The following ATRNL1 variants were observed in gnomAD, a reference collection of about 807,000 sequenced individuals.
ATRNL1 encodes the protein attractin like 1, also known as attractin-like protein 1.
A neutral mutation model predicts 182.7 loss-of-function variants in ATRNL1; 95 were observed. The observed-to-expected ratio is 0.52, with a 90% CI of 0.44 to 0.62. The LOEUF (loss-of-function observed/expected upper bound fraction) is 0.62, where lower values mean the gene tolerates loss of function less well. ATRNL1 is among the 20% of genes least tolerant of loss of function. The pLI is 0.00. For synonymous variants in ATRNL1, 576 were observed against 568.3 expected (o/e 1.01, Z -0.19); for missense variants, 1,471 against 1,679.5 (o/e 0.88, Z 2.17).
Position 115,100,448 on chromosome 10 carries a change from G to A in ATRNL1, c.293+6405G>A, listed in dbSNP as rs554775370. 2.0e-5 allele frequency among the ~76,000 whole-genome samples: 3 copies of A among 152,044 alleles called. No homozygotes were observed. In the East Asian group the frequency reaches 5.8e-4, roughly 29 times the overall value. On this transcript the variant is annotated intron_variant, in intron 1 of 28. Coordinates refer to ENST00000355044, the MANE Select transcript of ATRNL1 (RefSeq NM_207303.4). ...AGTTAATTTCTATATATGGGGAGAG[G>A]TATGGATCTAAATTCAGTTTTTTGG...
chr10:115,880,696 G>A (rs1951807222), intron 28 of ATRNL1, among the ~76,000 whole-genome samples: 1 of 152,196 alleles, frequency 6.6e-6, no homozygotes, highest in South Asian at 2.1e-4. Flanking sequence ...GATGGATGTT[G>A]TAGAACATCT....
intron 25 of ATRNL1, among the ~76,000 whole-genome samples, chr10:115,522,655 A>G (rs1454347552): frequency 6.6e-6 from 1 of 152,172 alleles, no homozygotes; most frequent in Non-Finnish European, 1.5e-5. Flanking sequence ...AGAAGTCTTA[A>G]CTTGTTTCAG....
intron 19 of ATRNL1, among the ~76,000 whole-genome samples, chr10:115,338,845 T>C (rs1855611705): frequency 6.6e-6 from 1 of 152,214 alleles, no homozygotes; most frequent in Admixed American, 6.5e-5. Context: ...TTTGTTCTGG[T>C]AGTTTCATAG....
chr10:115,554,563 A>C (rs868961572), intron 26 of ATRNL1, among the ~76,000 whole-genome samples: 1 of 151,634 alleles, frequency 6.6e-6, no homozygotes, highest in Middle Eastern at 3.2e-3. Context: ...AAAGAAAAAG[A>C]TATAGGCCCC....
intron 3 of ATRNL1, among the ~76,000 whole-genome samples, chr10:115,122,090 A>T (rs1486177032): frequency 5.9e-5 from 9 of 151,964 alleles, no homozygotes; most frequent in Non-Finnish European, 1.2e-4. Context: ...AGTGCCTTGA[A>T]TATGTTTTCA....
intron 28 of ATRNL1, among the ~76,000 whole-genome samples, chr10:115,916,288 C>T (rs1270356748): frequency 2.6e-5 from 4 of 152,194 alleles, no homozygotes; most frequent in African/African-American, 9.7e-5. Context: ...TAAGCTATAG[C>T]CTAATCGTAA....
At chr10:115,538,273 A>C (rs1852157709) in intron 25 of ATRNL1, among the ~76,000 whole-genome samples, 1 of 152,172 alleles carries the variant, frequency 6.6e-6, no homozygotes, top group South Asian at 2.1e-4. Context: ...AATAGCTGCC[A>C]CTGTTTTTCA....
chr10:115,542,111 G>A (rs2133789609), intron 25 of ATRNL1, among the ~76,000 whole-genome samples: 1 of 152,214 alleles, frequency 6.6e-6, no homozygotes, highest in East Asian at 1.9e-4. Context: ...TAGGCTACTT[G>A]TAATAGGACT....
At chr10:115,302,084 G>A (rs782575438) in intron 17 of ATRNL1, 41 bp downstream of exon 17, 8 of 1,469,028 alleles carry the variant, frequency 5.4e-6, no homozygotes, top group Middle Eastern at 1.8e-4. Flanking sequence ...TGACAGCAAC[G>A]TAAATTTACT....
intron 20 of ATRNL1, among the ~76,000 whole-genome samples, chr10:115,396,181 T>C (rs1478075165): frequency 6.6e-6 from 1 of 151,916 alleles, no homozygotes; most frequent in Non-Finnish European, 1.5e-5. Context: ...GCACAATCAG[T>C]TTTTATTCCT....
At chr10:115,873,892 A>G (rs782268630) in intron 28 of ATRNL1, among the ~76,000 whole-genome samples, 1 of 152,234 alleles carries the variant, frequency 6.6e-6, no homozygotes, top group Non-Finnish European at 1.5e-5. Flanking sequence ...AAGGCTTTCA[A>G]TAATTGCATC....
In ATRNL1 at chr10:115,574,519, A is replaced by G. The variant is rs376296559; in HGVS notation, c.3795+24983A>G. ...AGTATATCATTATCAAAAATATTTA[A>G]TATCAAATCTACCATGTATCTTAAT... On this transcript the variant is annotated intron_variant, in intron 26 of 28. Transcript: ENST00000355044. 5.5e-4 allele frequency among the ~76,000 whole-genome samples: 83 copies of G among 152,284 alleles called. No individual in the cohort carries two copies. The South Asian group carries it at 0.017, about 30-fold the overall frequency.
intron 27 of ATRNL1, among the ~76,000 whole-genome samples, chr10:115,732,895 A>C (rs1336530035): frequency 3.3e-5 from 5 of 152,184 alleles, no homozygotes; most frequent in African/African-American, 1.2e-4. Context: ...GTGGATCTTA[A>C]GGAAGAACTT....
Position 115,885,266 on chromosome 10 carries a change from C to A in ATRNL1, c.4018+37275C>A, listed in dbSNP as rs1951917114. On this transcript the variant is annotated intron_variant, in intron 28 of 28. Coordinates refer to ENST00000355044, the MANE Select transcript of ATRNL1 (RefSeq NM_207303.4). ...CATTGTTCTCAGGGAGATTGTATAG[C>A]ATGTCAAGAATTGATAATAATACTG... Among the ~76,000 whole-genome samples, 5 of 152,272 alleles carry A rather than the reference C, an allele frequency of 3.3e-5. No individual in the cohort carries two copies. In the South Asian group the frequency reaches 1.0e-3, roughly 32 times the overall value.
intron 27 of ATRNL1, among the ~76,000 whole-genome samples, chr10:115,834,579 A>G (rs1555094812): frequency 6.6e-6 from 1 of 152,168 alleles, no homozygotes; most frequent in Non-Finnish European, 1.5e-5. Context: ...TGGTAAGGTA[A>G]TATGATCAGT....
chr10:115,308,416 C>G (rs1415319150), intron 17 of ATRNL1, among the ~76,000 whole-genome samples: 1 of 151,980 alleles, frequency 6.6e-6, no homozygotes, highest in African/African-American at 2.4e-5. Flanking sequence ...GAATAATACA[C>G]AACTTGAGGA....
chr10:115,489,476 G>A (rs1222494401), intron 24 of ATRNL1, among the ~76,000 whole-genome samples: 2 of 152,172 alleles, frequency 1.3e-5, no homozygotes, highest in Non-Finnish European at 2.9e-5. Flanking sequence ...TTACCATTAT[G>A]TAATGGCCTT....
intron 26 of ATRNL1, among the ~76,000 whole-genome samples, chr10:115,658,702 C>A (rs1280735426): frequency 1.3e-5 from 2 of 152,084 alleles, no homozygotes; most frequent in Non-Finnish European, 2.9e-5. Flanking sequence ...TCTGCCTCTT[C>A]CCTGTAGAGT....
At chr10:115,732,290 C>T (rs1947822386) in intron 27 of ATRNL1, among the ~76,000 whole-genome samples, 1 of 152,130 alleles carries the variant, frequency 6.6e-6, no homozygotes, top group African/African-American at 2.4e-5. Context: ...TTACCATAAC[C>T]ATGAGGATTT....
Sources: allele counts gnomAD v4.1 joint callset (sites outside exome capture counted in the v4.1 genomes callset), GRCh38; gene constraint gnomAD v4.1.1; transcripts MANE v1.5; gene names NCBI Gene and HGNC (gene_info 2026-07-23, HGNC 2026-07-21).